PRKACA: variants seen among roughly 807,000 people sequenced by gnomAD.
PRKACA encodes protein kinase cAMP-activated catalytic subunit alpha.
Under a neutral mutation model 45.8 loss-of-function variants are expected in PRKACA, and 9 were observed. The observed-to-expected ratio is 0.20, with a 90% CI of 0.12 to 0.34. The LOEUF (loss-of-function observed/expected upper bound fraction) is 0.34. Ranked by LOEUF, PRKACA falls within the 10% of genes least tolerant of loss-of-function variation. The pLI, the probability that PRKACA is intolerant of heterozygous loss-of-function variation, is 1.00. For missense variants in PRKACA, 238 were observed against 458.6 expected (o/e 0.52, Z 4.39); for synonymous variants, 160 against 178.6 (o/e 0.90, Z 0.83).
intron 1 of PRKACA, 151 bp downstream of exon 1, chr19:14,117,351 G>C: frequency 1.0e-6 from 1 of 989,272 alleles, no homozygotes; most frequent in South Asian, 4.8e-5. Context: ...GCGGGCCCGC[G>C]GGCCCCAGCC....
intron 1 of PRKACA, chr19:14,115,225 C>T (rs780082096): frequency 3.7e-4 from 199 of 539,884 alleles, no homozygotes; most frequent in Non-Finnish European, 4.3e-4. Flanking sequence ...GTATTTAATG[C>T]GTATCAGAGA....
chr19:14,107,011 G>T, intron 2 of PRKACA, 123 bp from the exon 3 acceptor site: 1 of 1,286,146 alleles, frequency 7.8e-7, no homozygotes, highest in Non-Finnish European at 1.1e-6. Context: ...GGTCAGCGGG[G>T]TGAGGACAGG....
rs781415461 is a variant in PRKACA, at chr19:14,117,548, CGCG to C, written c.-4_-2del. 192 of 1,206,186 alleles carry C rather than the reference CGCG, an allele frequency of 1.6e-4. No homozygotes were observed. The African/African-American group carries it at 2.1e-3, about 13-fold the overall frequency. 74.7% of individuals were successfully genotyped at this position (1,206,186 alleles called of 1,614,324 possible). On this transcript the variant is annotated 5_prime_UTR_variant, in exon 1 of 10. Coordinates refer to ENST00000308677, the MANE Select transcript of PRKACA (RefSeq NM_002730.4). ...TCTTGGCGGCGGCGGCGTTGCCCAT[CGCG>C]GCGGCGGCGGCCGGGGCCGGTCCCG...
chr19:14,093,548 C>G (rs1977156364), intron 9 of PRKACA, 80 bp downstream of exon 9: 1 of 1,505,096 alleles, frequency 6.6e-7, no homozygotes, highest in African/African-American at 1.4e-5. Context: ...GTGTTCTCTT[C>G]TCTATTTCTC....
intron 8 of PRKACA, among the ~76,000 whole-genome samples, chr19:14,094,723 T>G (rs1053619885): frequency 2.0e-5 from 3 of 152,216 alleles, no homozygotes; most frequent in Non-Finnish European, 4.4e-5. Context: ...TGCTGCTGCT[T>G]AAGGCATCTC....
Position 14,097,427 on chromosome 19 carries a change from G to C in PRKACA, c.699C>G (p.Ala233=), listed in dbSNP as rs996572658. The C allele has an allele frequency of 6.2e-6, 10 of 1,613,946 alleles. No individual in the cohort carries two copies. Among genetic ancestry groups the C allele is most frequent in the Non-Finnish European group, 8.5e-6 (10 of 1,180,036 alleles). ...WALGVLIYEM[A]AGYPPFFADQ... Reference sequence around the variant, plus strand: ...CTGCGAAGAAGGGCGGGTAGCCAGCGGCCATTTCATAGATAAGAACCCCCA... The same window carrying C: ...CTGCGAAGAAGGGCGGGTAGCCAGCCGCCATTTCATAGATAAGAACCCCCA... Residue 233 remains alanine (A), a synonymous_variant, in exon 8 of 10, where the codon GCC becomes GCG. Transcript: ENST00000308677. This position sits in a 1 kb window ranked among gnomAD's most constrained non-coding sequence, Gnocchi z 5.4.
chr19:14,096,367 TTTTA>T (rs1977259781), intron 8 of PRKACA: 1 of 152,256 alleles, frequency 6.6e-6, no homozygotes, highest in African/African-American at 2.4e-5. Flanking sequence ...TTTTTTTTTT[TTTTA>T]GAGATGGGGT....
At chr19:14,100,931 A>T (rs1470272630) in intron 4 of PRKACA, 23 bp from the exon 5 acceptor site, 1 of 1,608,498 alleles carries the variant, frequency 6.2e-7, no homozygotes. Flanking sequence ...GTGGCTGGTC[A>T]AGGGCCCACC....
chr19:14,113,898 C>CT (rs1403463139), intron 1 of PRKACA, among the ~76,000 whole-genome samples: 1 of 152,164 alleles, frequency 6.6e-6, no homozygotes, highest in Non-Finnish European at 1.5e-5. Flanking sequence ...CCACCCCTCT[C>CT]TGAGCTGGCC....
At chr19:14,103,122 T>C (rs1977494810) in intron 3 of PRKACA, among the ~76,000 whole-genome samples, 1 of 152,080 alleles carries the variant, frequency 6.6e-6, no homozygotes, top group Admixed American at 6.6e-5. Context: ...CGGCACTAAG[T>C]CCAGGGCAAA....
chr19:14,104,971 G>C (rs1977560316), intron 3 of PRKACA, among the ~76,000 whole-genome samples: 1 of 152,156 alleles, frequency 6.6e-6, no homozygotes, highest in African/African-American at 2.4e-5. Context: ...ATGTGAATCT[G>C]CTTTTTCAAC....
intron 1 of PRKACA, among the ~76,000 whole-genome samples, chr19:14,110,807 T>C (rs1420680457): frequency 2.0e-5 from 3 of 152,192 alleles, no homozygotes; most frequent in Non-Finnish European, 1.5e-5. Context: ...TGATCAGGTC[T>C]GAGGTCACTT....
chr19:14,101,490 TG>T (rs1977441676), intron 4 of PRKACA, among the ~76,000 whole-genome samples: 1 of 152,058 alleles, frequency 6.6e-6, no homozygotes, highest in Non-Finnish European at 1.5e-5. Context: ...TGCTTGAGCC[TG>T]GGAGGCAAAG....
chr19:14,107,026 G>A (rs1016021854), intron 2 of PRKACA, 138 bp from the exon 3 acceptor site: 37 of 1,134,126 alleles, frequency 3.3e-5, no homozygotes, highest in Admixed American at 7.9e-5. Context: ...GACAGGGGGC[G>A]GAAAATCAAG....
At chr19:14,117,420 AG>A in intron 1 of PRKACA, 81 bp downstream of exon 1, 3 of 1,206,112 alleles carry the variant, frequency 2.5e-6, no homozygotes, top group South Asian at 3.6e-5. Flanking sequence ...GGGGCCCCGT[AG>A]GGGGAGGGGC....
intron 9 of PRKACA, 80 bp from the exon 10 acceptor site, chr19:14,093,317 A>G (rs1977147661): frequency 1.3e-6 from 2 of 1,530,940 alleles, no homozygotes; most frequent in African/African-American, 1.4e-5. Context: ...ATGGCCTAAC[A>G]TTCAAGAGAT....
chr19:14,108,062 C>G, intron 1 of PRKACA: 21 of 985,582 alleles, frequency 2.1e-5, no homozygotes, highest in Non-Finnish European at 2.5e-5. Flanking sequence ...CTGACTCACT[C>G]GGCAACCTGC....
intron 8 of PRKACA, among the ~76,000 whole-genome samples, chr19:14,095,911 C>G (rs552210318): frequency 4.0e-5 from 6 of 151,610 alleles, no homozygotes; most frequent in Non-Finnish European, 8.8e-5. Context: ...GTGACCCAGG[C>G]TAGACTGCAG....
Position 14,092,965 on chromosome 19 carries a change from TC to T in PRKACA, c.*146del. On this transcript the variant is annotated 3_prime_UTR_variant, in exon 10 of 10. Transcript: ENST00000308677. ...CCCTCTGATTATCTGGGCTTCCTGC[TC>T]CCCCTAACCCTGGAGGGTGGGGTGG... is the stretch of plus-strand genomic sequence containing the variant. The T allele has an allele frequency of 1.1e-6, 1 of 925,726 alleles. No individual in the cohort carries two copies. The highest frequency in any genetic ancestry group is 4.1e-5 in the Admixed American group (1 of 24,386). The allele number at this position is 925,726 out of a possible 1,614,324, so 57.3% of individuals were successfully genotyped here.
Sources: gnomAD v4.1 joint callset for allele counts (sites outside exome capture counted in the v4.1 genomes callset) on GRCh38, gnomAD v4.1.1 for gene constraint, Gnocchi (gnomAD v3.1) non-coding constraint, MANE v1.5 for transcripts, NCBI Gene and HGNC (gene_info 2026-07-23, HGNC 2026-07-21) for gene names.